SLC9A8: variants seen among roughly 807,000 people sequenced by gnomAD.
SLC9A8 encodes solute carrier family 9 member A8.
In SLC9A8, 48 loss-of-function variants were observed where a neutral mutation model predicts 66.6. The ratio of observed to expected loss-of-function variants is 0.72; its 90% CI spans 0.57 to 0.92. SLC9A8 has a LOEUF of 0.92. Ranked by LOEUF, SLC9A8 falls within the 40% of genes least tolerant of loss-of-function variation. The probability of loss-of-function intolerance (pLI) is 0.00; values close to 1 mark genes in which losing one functional copy is unlikely to be tolerated. For missense variants in SLC9A8, 599 were observed against 747.3 expected, an observed-to-expected ratio of 0.80 and a Z score of 2.31; for synonymous variants, 274 against 282.6, an observed-to-expected ratio of 0.97 and a Z score of 0.31.
rs573169737 is a variant in SLC9A8, at chr20:49,830,056, GC to G, written c.289+6917del. 2.7e-5 allele frequency: 19 copies of G among 703,776 alleles called. No individual in the cohort carries two copies. The East Asian group carries it at 6.1e-4, about 23-fold the overall frequency. 43.6% of individuals were successfully genotyped at this position (703,776 alleles called of 1,614,324 possible). A position where few individuals can be genotyped will look rare whatever the true frequency, so the allele number is the denominator to read the frequency against. On this transcript the variant is annotated intron_variant, in intron 3 of 15. Transcript: ENST00000361573. ...TTAAATGGCAGCCGACCAGAAGCGA[GC>G]CTGTTAAAGATGCAGATCCTCATTT...
intron 4 of SLC9A8, among the ~76,000 whole-genome samples, chr20:49,841,856 A>G (rs2087775486): frequency 6.6e-6 from 1 of 151,632 alleles, no homozygotes; most frequent in Non-Finnish European, 1.5e-5. Flanking sequence ...TGTCCTCCCA[A>G]AGTGCTGGGA....
chr20:49,885,365 G>A (rs2089852920), intron 14 of SLC9A8, among the ~76,000 whole-genome samples: 1 of 152,122 alleles, frequency 6.6e-6, no homozygotes, highest in Non-Finnish European at 1.5e-5. Context: ...TCACTCTATT[G>A]CACAGGCTGA....
rs375515621 is a variant in SLC9A8 at position 49,823,093 on chromosome 20, C to T, written c.241C>T (p.Arg81Ter). ...CATCATATTGGTGCATTTACTGATCCGATACAGATTACATTTCTTGCCAGA... is the reference window on the plus strand; with the variant it reads ...CATCATATTGGTGCATTTACTGATCTGATACAGATTACATTTCTTGCCAGA... ...ICIILVHLLI[R>*]YRLHFLPESV... The change falls in exon 3 of 16, where the codon CGA becomes TGA. Residue 81 changes from arginine to a stop codon, truncating the protein, a stop_gained. Coordinates refer to ENST00000361573, the MANE Select transcript of SLC9A8 (RefSeq NM_015266.3). LOFTEE classifies it high-confidence loss of function. 1.1e-5 allele frequency: 18 copies of T among 1,612,214 alleles called. No individual in the cohort carries two copies. Among genetic ancestry groups the T allele is most frequent in the Middle Eastern group, 3.3e-4 (2 of 6,080 alleles).
At position 49,883,642 on chromosome 20, in the gene SLC9A8, T is replaced by A. The variant is rs532520012; in HGVS notation, c.1271-204T>A. On this transcript the variant is annotated intron_variant, in intron 13 of 15. Transcript: ENST00000361573. ...GCCATCTCATTTGATCTGCCAATGT[T>A]GGAATGGAGGTGAGTCTGTGGTCCC... is the stretch of plus-strand genomic sequence containing the variant. Among the ~76,000 whole-genome samples the A allele has an allele frequency of 2.8e-4, 43 of 152,268 alleles. No homozygotes were observed. In the South Asian group the frequency reaches 8.7e-3, roughly 31 times the overall value.
intron 2 of SLC9A8, among the ~76,000 whole-genome samples, chr20:49,817,277 A>G (rs1200877364): frequency 6.6e-6 from 1 of 151,874 alleles, no homozygotes; most frequent in African/African-American, 2.4e-5. Flanking sequence ...AGATCGCGCC[A>G]CTGCACTCCA....
At chr20:49,873,989 C>A (rs568991149) in intron 10 of SLC9A8, among the ~76,000 whole-genome samples, 1 of 152,108 alleles carries the variant, frequency 6.6e-6, no homozygotes, top group Non-Finnish European at 1.5e-5. Flanking sequence ...GTGGCTCACA[C>A]CTGTAATCCC....
Position 49,831,101 on chromosome 20 carries a change from AC to A in SLC9A8, c.289+7965del, listed in dbSNP as rs758957065. ...CATACACTAAGCCGTCGGACCCCCC[AC>A]CCCCAGCCCTCTAATCTCTCCGCTA... On this transcript the variant is annotated intron_variant, in intron 3 of 15. Coordinates refer to ENST00000361573, the MANE Select transcript of SLC9A8 (RefSeq NM_015266.3). The A allele has an allele frequency of 3.6e-4, 218 of 612,400 alleles. 1 individual carries two copies. Among genetic ancestry groups the A allele is most frequent in the Non-Finnish European group, 4.6e-4 (153 of 329,478 alleles). The allele number at this position is 612,400 out of a possible 1,614,324, so 37.9% of individuals were successfully genotyped here. A position where few individuals can be genotyped will look rare whatever the true frequency, so the allele number is the denominator to read the frequency against.
chr20:49,868,628 TG>T (rs1300439386), intron 10 of SLC9A8, among the ~76,000 whole-genome samples: 1 of 152,238 alleles, frequency 6.6e-6, no homozygotes, highest in Non-Finnish European at 1.5e-5. Context: ...TGCTAAGGAC[TG>T]GGGCTGGATA....
intron 5 of SLC9A8, among the ~76,000 whole-genome samples, chr20:49,848,720 A>G (rs2088116314): frequency 6.6e-6 from 1 of 152,230 alleles, no homozygotes; most frequent in African/African-American, 2.4e-5. Context: ...TGACATAGTT[A>G]ATGATGATAC....
intron 10 of SLC9A8, among the ~76,000 whole-genome samples, chr20:49,869,370 C>T (rs912399682): frequency 1.3e-5 from 2 of 152,028 alleles, no homozygotes; most frequent in Non-Finnish European, 2.9e-5. Flanking sequence ...AGGTGCCCAC[C>T]ACCACGCCCG....
At chr20:49,836,894 C>G (rs2087558197) in intron 3 of SLC9A8, among the ~76,000 whole-genome samples, 1 of 152,062 alleles carries the variant, frequency 6.6e-6, no homozygotes, top group South Asian at 2.1e-4. Flanking sequence ...TCTTGGGACC[C>G]TAAAATCACT....
Position 49,892,006 on chromosome 20 carries a change from A to G in SLC9A8, c.*4070A>G, listed in dbSNP as rs1481577002. ...CAGACTTACTCATTTTTCTCCCCCA[A>G]GTGAGCTGCAAGAGGCCCCTGTTAG... is the stretch of plus-strand genomic sequence containing the variant. On this transcript the variant is annotated 3_prime_UTR_variant, in exon 16 of 16. Coordinates refer to ENST00000361573, the MANE Select transcript of SLC9A8 (RefSeq NM_015266.3). 6.6e-6 allele frequency: 1 copy of G among 152,022 alleles called. No homozygotes were observed. The highest frequency in any genetic ancestry group is 1.5e-5 in the Non-Finnish European group (1 of 68,028). The allele number at this position is 152,022 out of a possible 1,614,324, so 9.4% of individuals were successfully genotyped here. A position where few individuals can be genotyped will look rare whatever the true frequency, so the allele number is the denominator to read the frequency against.
rs751161312 is a variant in SLC9A8 at position 49,849,631 on chromosome 20, C to T, written c.485C>T (p.Thr162Met). 16 of 1,613,852 alleles carry T rather than the reference C, an allele frequency of 9.9e-6. No homozygotes were observed. The highest frequency in any genetic ancestry group is 2.2e-5 in the East Asian group (1 of 44,900). The change falls in exon 6 of 16, where the codon ACG becomes ATG. Residue 162 changes from threonine (T) to methionine (M), a missense_variant. By Grantham distance (81) the Thr-to-Met change is moderately conservative. This residue lies in a region of SLC9A8 where 467 missense variants were observed against 626.5 expected (regional missense o/e 0.75). Transcript: ENST00000361573. ...ATCACCCTGTTTGCTGTTTTTGGGACGGCAATCTCCGCTTTTGTAGTAGGT... is the reference window on the plus strand; with the variant it reads ...ATCACCCTGTTTGCTGTTTTTGGGATGGCAATCTCCGCTTTTGTAGTAGGT... ...GSITLFAVFG[T>M]AISAFVVGGG... is the part of the protein sequence containing the mutation.
At chr20:49,881,507 T>C (rs1206746432) in intron 13 of SLC9A8, among the ~76,000 whole-genome samples, 3 of 152,256 alleles carry the variant, frequency 2.0e-5, no homozygotes, top group Non-Finnish European at 4.4e-5. Flanking sequence ...TAATCACTTT[T>C]TAAAGGACGG....
At chr20:49,845,559 C>G (rs1452685196) in intron 5 of SLC9A8, among the ~76,000 whole-genome samples, 1 of 152,178 alleles carries the variant, frequency 6.6e-6, no homozygotes, top group Non-Finnish European at 1.5e-5. Flanking sequence ...GCCCATCCAT[C>G]CTTCCATGTC....
chr20:49,840,672 A>C (rs1462454576), intron 4 of SLC9A8, among the ~76,000 whole-genome samples: 1 of 152,202 alleles, frequency 6.6e-6, no homozygotes, highest in Non-Finnish European at 1.5e-5. Context: ...AGCGCATTGC[A>C]TGTGGGATCT....
At chr20:49,847,432 G>A (rs2088047153) in intron 5 of SLC9A8, among the ~76,000 whole-genome samples, 1 of 148,782 alleles carries the variant, frequency 6.7e-6, no homozygotes, top group Non-Finnish European at 1.5e-5. Context: ...AAAATTTGAG[G>A]AAAGTAATAG....
At chr20:49,826,790 C>A (rs181315543) in intron 3 of SLC9A8, among the ~76,000 whole-genome samples, 103 of 152,204 alleles carry the variant, frequency 6.8e-4, no homozygotes, top group Admixed American at 2.2e-3. Flanking sequence ...AAAGAAAAAT[C>A]TTGTTTATTG....
Position 49,880,926 on chromosome 20 carries a change from G to A in SLC9A8, c.1161G>A (p.Val387=). ...FEISFVIWCI[V]LVLFGRAVNI... ...ACTTAGTTTGTTGCTATCAACAGGT[G>A]CTTGTACTATTTGGCAGAGCGGTAA... The change falls in exon 13 of 16, where the codon GTG becomes GTA. Residue 387 remains valine, a splice_region_variant and synonymous_variant. Coordinates refer to ENST00000361573, the MANE Select transcript of SLC9A8 (RefSeq NM_015266.3). 1 of 1,607,338 alleles carries A rather than the reference G, an allele frequency of 6.2e-7. No homozygotes were observed. Among genetic ancestry groups the A allele is most frequent in the Non-Finnish European group, 8.5e-7 (1 of 1,173,822 alleles).
Sources: gnomAD v4.1 joint callset for allele counts (sites outside exome capture counted in the v4.1 genomes callset) on GRCh38, gnomAD v4.1.1 for gene constraint, gnomAD v4.1.1 regional missense constraint, MANE v1.5 for transcripts, NCBI Gene and HGNC (gene_info 2026-07-23, HGNC 2026-07-21) for gene names.